NFKBIZ: variants seen among roughly 807,000 people sequenced by gnomAD.
NFKBIZ encodes the protein NF-kappa-B inhibitor zeta.
A neutral mutation model predicts 76.8 loss-of-function variants in NFKBIZ; 19 were observed. The ratio of observed to expected loss-of-function variants is 0.25; its 90% confidence interval spans 0.17 to 0.36. NFKBIZ has a LOEUF of 0.36. Among genes scored for constraint, NFKBIZ ranks in the 10% least tolerant of loss-of-function variants. The pLI is 1.00. For missense variants in NFKBIZ, 829 were observed against 910.9 expected (o/e 0.91, Z 1.16); for synonymous variants, 368 against 354.8 (o/e 1.04, Z -0.42).
intron 6 of NFKBIZ, 32 bp from the exon 7 acceptor site, chr3:101,855,030 T>G: frequency 6.4e-7 from 1 of 1,562,126 alleles, no homozygotes. Context: ...ATTGTATGTT[T>G]AAAATATCTT....
chr3:101,849,883 G>A lies in NFKBIZ; in HGVS notation c.255G>A (p.Arg85=), dbSNP rs1371577127. Residue 85 remains arginine (R), a synonymous_variant, in exon 1 of 12, where the codon CGG becomes CGA. Transcript: ENST00000326172. ...SVSSCGAVES[R]SRGGARAERQ... is the part of the protein sequence containing the mutation. The stretch of plus-strand genomic sequence containing the variant: ...CCTCCTGCGGCGCCGTGGAGTCCCG[G>A]TCGAGAGGCGGCGCCCGCGCCGAGC... The A allele has an allele frequency of 6.9e-7, 1 of 1,444,436 alleles. No individual in the cohort carries two copies. The highest frequency in any genetic ancestry group is 9.0e-7 in the Non-Finnish European group (1 of 1,106,144). The allele number at this position is 1,444,436 out of a possible 1,614,324, so 89.5% of individuals were successfully genotyped here.
At chr3:101,830,186 A>G (rs1323876431) in intron 2 of NFKBIZ, among the ~76,000 whole-genome samples, 1 of 152,302 alleles carries the variant, frequency 6.6e-6, no homozygotes, top group East Asian at 1.9e-4. Context: ...GGGAATGAAA[A>G]TATTTACTGC....
At chr3:101,852,048 AT>A in intron 1 of NFKBIZ, 36 bp from the exon 2 acceptor site, 4 of 1,601,876 alleles carry the variant, frequency 2.5e-6, no homozygotes, top group Non-Finnish European at 3.4e-6. Flanking sequence ...CTGTGAAGAT[AT>A]TTAACCAGGA....
upstream of NFKBIZ, among the ~76,000 whole-genome samples, chr3:101,848,072 G>C (rs956999870): frequency 3.3e-5 from 5 of 152,122 alleles, no homozygotes; most frequent in African/African-American, 1.2e-4. Context: ...CTTTCCCACT[G>C]TATCTGCCCC....
chr3:101,854,756 G>A, intron 6 of NFKBIZ, 73 bp downstream of exon 6: 1 of 1,054,422 alleles, frequency 9.5e-7, no homozygotes, highest in Non-Finnish European at 1.5e-6. Context: ...AGCCTTATGT[G>A]TAGATCATCT....
chr3:101,837,448 G>A (rs1160452062), intron 2 of NFKBIZ, among the ~76,000 whole-genome samples: 3 of 140,318 alleles, frequency 2.1e-5, no homozygotes, highest in Non-Finnish European at 3.0e-5. Context: ...GTGGGTGATT[G>A]AGCCACAGCA....
intron 2 of NFKBIZ, among the ~76,000 whole-genome samples, chr3:101,834,062 A>T (rs913503733): frequency 5.8e-4 from 88 of 152,122 alleles, no homozygotes; most frequent in African/African-American, 2.1e-3. Flanking sequence ...TCTTTCTTGA[A>T]ATTTTACTGG....
intron 2 of NFKBIZ, among the ~76,000 whole-genome samples, chr3:101,835,388 T>C (rs558216294): frequency 1.3e-5 from 2 of 152,164 alleles, no homozygotes; most frequent in Non-Finnish European, 2.9e-5. Context: ...AGAATAGAGA[T>C]AGAAGTATGA....
intron 11 of NFKBIZ, chr3:101,857,851 G>A (rs1046864355): frequency 2.1e-6 from 2 of 952,294 alleles, no homozygotes; most frequent in African/African-American, 3.5e-5. Flanking sequence ...GTTACATGTG[G>A]AGTGCTCACA....
chr3:101,830,478 C>T (rs1187740847), intron 2 of NFKBIZ, among the ~76,000 whole-genome samples: 1 of 152,172 alleles, frequency 6.6e-6, no homozygotes, highest in Non-Finnish European at 1.5e-5. Flanking sequence ...TTTCCTCCCT[C>T]TCTCCCCCAT....
At position 101,834,102 on chromosome 3, in the gene NFKBIZ, A is replaced by G. The variant is rs556517132; in HGVS notation, c.-12+4414A>G. ...GTAGGGCACAGAGACTGCCCCAATC[A>G]GAGTGCAGATAAGGGGTGAGGTAGA... On this transcript the variant is annotated intron_variant, in intron 2 of 12. Coordinates refer to the NFKBIZ transcript ENST00000394054. Among the ~76,000 whole-genome samples the G allele has an allele frequency of 2.7e-4, 41 of 152,324 alleles. No individual in the cohort carries two copies. The East Asian group carries it at 7.1e-3, about 27-fold the overall frequency.
chr3:101,832,858 G>A (rs918613583), intron 2 of NFKBIZ, among the ~76,000 whole-genome samples: 1 of 152,112 alleles, frequency 6.6e-6, no homozygotes, highest in African/African-American at 2.4e-5. Flanking sequence ...AATTGTTTTA[G>A]GAACTGCCAT....
At chr3:101,856,469 A>G (rs1943051767) in intron 9 of NFKBIZ, among the ~76,000 whole-genome samples, 1 of 152,252 alleles carries the variant, frequency 6.6e-6, no homozygotes, top group African/African-American at 2.4e-5. Context: ...GGTAAAGAAA[A>G]TGCTTGAAAT....
At chr3:101,837,433 T>G (rs1021604302) in intron 2 of NFKBIZ, among the ~76,000 whole-genome samples, 1 of 137,234 alleles carries the variant, frequency 7.3e-6, no homozygotes, top group Non-Finnish European at 1.5e-5. Flanking sequence ...TTTTTGAAAA[T>G]CATAGTGGGT....
At chr3:101,849,242 C>A (rs111738773), upstream of NFKBIZ, 3,844 of 160,706 alleles carry the variant, frequency 0.024, 148 homozygotes, top group African/African-American at 0.087. Flanking sequence ...AGGCGGGAGG[C>A]GGGAAGCGGG....
In NFKBIZ at chr3:101,859,530, AAAG is replaced by A. The variant is rs1398505785; in HGVS notation, c.*165_*167del. 8.9e-6 allele frequency: 4 copies of A among 450,950 alleles called. No homozygotes were observed. In the East Asian group the frequency reaches 1.3e-4, roughly 15 times the overall value. 27.9% of individuals were successfully genotyped at this position (450,950 alleles called of 1,614,324 possible). A position where few individuals can be genotyped will look rare whatever the true frequency, so the allele number is the denominator to read the frequency against. Reference sequence around the variant, plus strand: ...TTATATAGTGGGTTATATTAAAAGAAAAGAAGAAAAATATCTAATTTCTCTTGG... The same window carrying A: ...TTATATAGTGGGTTATATTAAAAGAAAAGAAAAATATCTAATTTCTCTTGG... On this transcript the variant is annotated 3_prime_UTR_variant, in exon 12 of 12. Coordinates refer to ENST00000326172, the MANE Select transcript of NFKBIZ (RefSeq NM_031419.4).
At chr3:101,832,369 G>A (rs762010459) in intron 2 of NFKBIZ, among the ~76,000 whole-genome samples, 8 of 152,270 alleles carry the variant, frequency 5.3e-5, no homozygotes, top group African/African-American at 1.7e-4. Context: ...GTGCCACTAA[G>A]TACTTTTCAT....
rs1273831758 is a variant in NFKBIZ at position 101,852,289 on chromosome 3, A to G, written c.429+65A>G. On this transcript the variant is annotated intron_variant, in intron 2 of 11. Coordinates refer to ENST00000326172, the MANE Select transcript of NFKBIZ (RefSeq NM_031419.4). ...GAGGGGTTAGTCTGTCAGGGTTATT[A>G]TGATGACCTAGGTCCAGTCATCAAG... 3.2e-6 allele frequency: 5 copies of G among 1,561,816 alleles called. No homozygotes were observed. The Admixed American group carries it at 9.4e-5, about 29-fold the overall frequency.
intron 2 of NFKBIZ, among the ~76,000 whole-genome samples, chr3:101,838,782 G>A (rs889999812): frequency 6.6e-6 from 1 of 152,126 alleles, no homozygotes; most frequent in Admixed American, 6.5e-5. Flanking sequence ...ACTAATTCCA[G>A]TATTAAATTA....
Sources: allele counts gnomAD v4.1 joint callset (sites outside exome capture counted in the v4.1 genomes callset), GRCh38; gene constraint gnomAD v4.1.1; transcripts MANE v1.5; gene names NCBI Gene and HGNC (gene_info 2026-07-23, HGNC 2026-07-21).